Variants in OTULIN observed in about 807,000 individuals in gnomAD.
The protein encoded by OTULIN is OTU deubiquitinase with linear linkage specificity.
A neutral mutation model predicts 39.6 loss-of-function variants in OTULIN; 15 were observed. The ratio of observed to expected loss-of-function variants is 0.38; its 90% CI spans 0.25 to 0.58. OTULIN has a LOEUF of 0.58. Ranked by LOEUF, OTULIN falls within the 20% of genes least tolerant of loss-of-function variation. The pLI is 0.66. For synonymous variants in OTULIN, 156 were observed against 170.3 expected (o/e 0.92, Z 0.65); for missense variants, 319 against 445.9 (o/e 0.72, Z 2.56).
At chr5:14,712,855 C>A in the OTULIN span, 3 of 1,584,846 alleles carry the variant, frequency 1.9e-6, no homozygotes, top group Non-Finnish European at 2.6e-6. Flanking sequence ...GGAGGAGGCT[C>A]CCGGCGCGGC....
At chr5:14,703,028 T>C (rs1281238535), downstream of OTULIN, among the ~76,000 whole-genome samples, 1 of 152,092 alleles carries the variant, frequency 6.6e-6, no homozygotes, top group African/African-American at 2.4e-5. Context: ...ATCCTGGTGG[T>C]GCAGTAGTTT....
At chr5:14,675,953 A>G (rs1456496336) in intron 2 of OTULIN, among the ~76,000 whole-genome samples, 4 of 152,206 alleles carry the variant, frequency 2.6e-5, no homozygotes, top group South Asian at 2.1e-4. Context: ...ATTAATTTAC[A>G]TATTGTCTGT....
downstream of OTULIN, among the ~76,000 whole-genome samples, chr5:14,704,329 CA>C (rs1194771023): frequency 0.06 from 3,894 of 65,112 alleles, 13 homozygotes; most frequent in Non-Finnish European, 0.066. Context: ...GACTCCGTCT[CA>C]AAAAAAAAAA....
At chr5:14,684,129 T>A (rs528932105) in intron 4 of OTULIN, among the ~76,000 whole-genome samples, 1 of 152,380 alleles carries the variant, frequency 6.6e-6, no homozygotes, top group Admixed American at 6.5e-5. Flanking sequence ...TTTAATTAGT[T>A]GGTCACTTGG....
chr5:14,715,917 A>C, the OTULIN span, among the ~76,000 whole-genome samples: 1 of 152,222 alleles, frequency 6.6e-6, no homozygotes, highest in Non-Finnish European at 1.5e-5. Flanking sequence ...ATCTGGCCTC[A>C]GGTTCCCCTG....
the OTULIN span, chr5:14,711,316 C>T: frequency 1.2e-6 from 2 of 1,611,310 alleles, no homozygotes; most frequent in South Asian, 1.1e-5. Context: ...TTTTTCTAGA[C>T]CAAAGAAGAC....
intron 1 of OTULIN, among the ~76,000 whole-genome samples, chr5:14,666,540 G>A (rs1489281463): frequency 1.3e-5 from 2 of 152,168 alleles, no homozygotes; most frequent in African/African-American, 2.4e-5. Flanking sequence ...GCAAAACCAG[G>A]CAGAGAGACA....
At position 14,678,151 on chromosome 5, in the gene OTULIN, G is replaced by C. The variant is rs142013401; in HGVS notation, c.230-530G>C. 2.0e-5 allele frequency among the ~76,000 whole-genome samples: 3 copies of C among 152,212 alleles called. No homozygotes were observed. The East Asian group carries it at 5.8e-4, about 29-fold the overall frequency. ...AGAGGAATAGAGAGCAAAAGTGTAC[G>C]TGATACTATGATACAAGGTGCCAGC... is the stretch of plus-strand genomic sequence containing the variant. On this transcript the variant is annotated intron_variant, in intron 2 of 6. Coordinates refer to ENST00000284274, the MANE Select transcript of OTULIN (RefSeq NM_138348.6).
intron 1 of OTULIN, 131 bp downstream of exon 1, chr5:14,665,108 CA>C: frequency 1.3e-6 from 1 of 767,194 alleles, no homozygotes; most frequent in Non-Finnish European, 1.6e-6. Context: ...CCGTTGGCGA[CA>C]AGGAGGAATT....
Position 14,697,189 on chromosome 5 carries a change from A to AT in OTULIN, c.*4147dup, listed in dbSNP as rs1287208745. 6.6e-6 allele frequency: 1 copy of AT among 152,084 alleles called. No individual in the cohort carries two copies. The highest frequency in any genetic ancestry group is 1.5e-5 in the Non-Finnish European group (1 of 68,058). The allele number at this position is 152,084 out of a possible 1,614,324, so 9.4% of individuals were successfully genotyped here. A position where few individuals can be genotyped will look rare whatever the true frequency, so the allele number is the denominator to read the frequency against. ...AACTGTCCCATGTATTGTATTATAT[A>AT]TTTTTTGAGATGGGGTCTTGCTCTG... On this transcript the variant is annotated 3_prime_UTR_variant, in exon 7 of 7. Transcript: ENST00000284274.
At chr5:14,673,891 A>C (rs1380006488) in intron 2 of OTULIN, 173 bp downstream of exon 2, 1 of 465,154 alleles carries the variant, frequency 2.1e-6, no homozygotes, top group African/African-American at 2.0e-5. Flanking sequence ...GAGGCTTTTA[A>C]ATTTTAATGC....
chr5:14,714,654 T>TAGGC, the OTULIN span, among the ~76,000 whole-genome samples: 1 of 152,198 alleles, frequency 6.6e-6, no homozygotes, highest in African/African-American at 2.4e-5. Context: ...TTTCTTCTCT[T>TAGGC]AGGCAGGCAG....
chr5:14,715,799 A>C, the OTULIN span, among the ~76,000 whole-genome samples: 1 of 152,332 alleles, frequency 6.6e-6, no homozygotes, highest in African/African-American at 2.4e-5. Context: ...AATCTAGAAC[A>C]ACCTCATTCT....
the OTULIN span, chr5:14,709,887 CAT>C: frequency 6.6e-6 from 1 of 152,578 alleles, no homozygotes; most frequent in African/African-American, 2.4e-5. Context: ...AATTACATAA[CAT>C]ATACAGCATA....
At chr5:14,678,822 C>A in intron 3 of OTULIN, 47 bp downstream of exon 3, 2 of 1,287,562 alleles carry the variant, frequency 1.6e-6, no homozygotes, top group Admixed American at 2.3e-5. Flanking sequence ...AATAGTCTAT[C>A]ATAAGTTGTT....
intron 2 of OTULIN, among the ~76,000 whole-genome samples, chr5:14,674,944 T>TG: frequency 6.6e-6 from 1 of 152,284 alleles, no homozygotes; most frequent in African/African-American, 2.4e-5. Context: ...TGTGTGTCCT[T>TG]TAAAGCTTCT....
At chr5:14,704,067 C>T (rs1307140613), downstream of OTULIN, among the ~76,000 whole-genome samples, 2 of 152,012 alleles carry the variant, frequency 1.3e-5, no homozygotes. Flanking sequence ...CGTGGTGGCT[C>T]ACGCCTGTAA....
downstream of OTULIN, among the ~76,000 whole-genome samples, chr5:14,700,894 C>T (rs77665773): frequency 0.044 from 6,685 of 152,206 alleles, 235 homozygotes; most frequent in Non-Finnish European, 0.064. Context: ...ACTTTATAGT[C>T]CTCTTAGGTT....
chr5:14,709,280 T>A, the OTULIN span: 1 of 138,966 alleles, frequency 7.2e-6, no homozygotes, highest in East Asian at 2.1e-4. Context: ...TTTCTAGTAA[T>A]GTCCTTTAAA....
Sources: allele counts gnomAD v4.1 joint callset (sites outside exome capture counted in the v4.1 genomes callset), GRCh38; gene constraint gnomAD v4.1.1; transcripts MANE v1.5; gene names NCBI Gene and HGNC (gene_info 2026-07-23, HGNC 2026-07-21).